The following MAP3K1 variants were observed in gnomAD, a reference collection of about 807,000 sequenced individuals.
MAP3K1 encodes mitogen-activated protein kinase kinase kinase 1.
MAP3K1 carries 36 observed loss-of-function variants against 144.2 expected under a neutral mutation model. The ratio of observed to expected loss-of-function variants is 0.25; its 90% confidence interval spans 0.19 to 0.33. The LOEUF is 0.33. Among genes scored for constraint, MAP3K1 ranks in the 10% least tolerant of loss-of-function variants. MAP3K1 has a pLI of 1.00. For synonymous variants in MAP3K1, 718 were observed against 688.7 expected, an observed-to-expected ratio of 1.04 and a Z score of -0.67; for missense variants, 1,650 against 1,881.9, an observed-to-expected ratio of 0.88 and a Z score of 2.28.
chr5:56,884,805 C>T lies in MAP3K1; in HGVS notation c.3961C>T (p.Leu1321Phe). The change falls in exon 16 of 20, where the codon CTC becomes TTC. Residue 1321 changes from leucine (L) to phenylalanine (F), a missense_variant. By Grantham distance (22) the Leu-to-Phe change is conservative. Coordinates refer to ENST00000399503, the MANE Select transcript of MAP3K1 (RefSeq NM_005921.2). ...CACGTGTGAGAAGAGCAATTACAATCTCTTCATTGAATGGATGGCAGGTAT... is the reference window on the plus strand; with the variant it reads ...CACGTGTGAGAAGAGCAATTACAATTTCTTCATTGAATGGATGGCAGGTAT... ...GATCEKSNYN[L>F]FIEWMAGGSV... 1.2e-6 allele frequency: 2 copies of T among 1,613,732 alleles called. No individual in the cohort carries two copies. Among genetic ancestry groups the T allele is most frequent in the Non-Finnish European group, 1.7e-6 (2 of 1,179,788 alleles).
intron 6 of MAP3K1, among the ~76,000 whole-genome samples, chr5:56,866,435 CTGTATGTA>C (rs559847404): frequency 2.3e-4 from 35 of 151,462 alleles, no homozygotes; most frequent in African/African-American, 4.4e-4. Context: ...GTATGTATGT[CTGTATGTA>C]TGTATGTATG....
Position 56,815,639 on chromosome 5 carries a change from T to G in MAP3K1, c.66T>G (p.Pro22=). Residue 22 remains proline, a synonymous_variant, in exon 1 of 20, where the codon CCT becomes CCG. Transcript: ENST00000399503. ...TCCCGGGCGCCAGGGCTACGAGCCC[T>G]GAGGCAGGCGGCGGCGGAGGAGCCC... ...SGFPGARATS[P]EAGGGGGALK... is the part of the protein sequence containing the mutation. 7.5e-7 allele frequency: 1 copy of G among 1,333,980 alleles called. No homozygotes were observed. The highest frequency in any genetic ancestry group is 1.9e-5 in the South Asian group (1 of 51,760). The allele number at this position is 1,333,980 out of a possible 1,614,324, so 82.6% of individuals were successfully genotyped here.
At chr5:56,863,552 A>G (rs1747584151) in intron 3 of MAP3K1, among the ~76,000 whole-genome samples, 1 of 152,212 alleles carries the variant, frequency 6.6e-6, no homozygotes, top group South Asian at 2.1e-4. Context: ...GTTGATGGAC[A>G]TTTGAGCTGC....
At position 56,865,820 on chromosome 5, in the gene MAP3K1, C is replaced by T. The variant is rs371897325; in HGVS notation, c.1153-9C>T. The T allele has an allele frequency of 6.2e-7, 1 of 1,613,620 alleles. No homozygotes were observed. Among genetic ancestry groups the T allele is most frequent in the Non-Finnish European group, 8.5e-7 (1 of 1,179,718 alleles). ...AAATATCATTGTTACTGTCTTTTTCCAATGTTAGGTTGAGAGTTTGTTCCA... is the reference window on the plus strand; with the variant it reads ...AAATATCATTGTTACTGTCTTTTTCTAATGTTAGGTTGAGAGTTTGTTCCA... On this transcript the variant is annotated splice_polypyrimidine_tract_variant and intron_variant, in intron 5 of 19. Transcript: ENST00000399503.
At chr5:56,848,162 T>C (rs970907824) in intron 1 of MAP3K1, among the ~76,000 whole-genome samples, 8 of 152,160 alleles carry the variant, frequency 5.3e-5, no homozygotes, top group Admixed American at 5.2e-4. Context: ...GACTAGTAGC[T>C]CTCTGTCTTT....
At chr5:56,844,435 T>C (rs1746924428) in intron 1 of MAP3K1, among the ~76,000 whole-genome samples, 1 of 152,106 alleles carries the variant, frequency 6.6e-6, no homozygotes. Flanking sequence ...CGCCTTGGCC[T>C]CCCAAAGTGC....
rs982579192 is a variant in MAP3K1 at position 56,820,338 on chromosome 5, C to T, written c.482+4283C>T. ...CTCCACAGTCCATTTCTTTCCACTA[C>T]TCTGCTTCTTCCATTTTCTTTTTTC... On this transcript the variant is annotated intron_variant, in intron 1 of 19. Coordinates refer to ENST00000399503, the MANE Select transcript of MAP3K1 (RefSeq NM_005921.2). 4.6e-5 allele frequency: 33 copies of T among 720,900 alleles called. No individual in the cohort carries two copies. The African/African-American group carries it at 5.0e-4, about 11-fold the overall frequency. The allele number at this position is 720,900 out of a possible 1,614,324, so 44.7% of individuals were successfully genotyped here. A position where few individuals can be genotyped will look rare whatever the true frequency, so the allele number is the denominator to read the frequency against.
At chr5:56,824,006 C>G (rs535870744) in intron 1 of MAP3K1, among the ~76,000 whole-genome samples, 20 of 152,268 alleles carry the variant, frequency 1.3e-4, no homozygotes, top group African/African-American at 4.8e-4. Flanking sequence ...GTCATCTAAA[C>G]TTAAGATATC....
intron 19 of MAP3K1, among the ~76,000 whole-genome samples, chr5:56,890,213 T>C (rs1193349441): frequency 2.6e-5 from 4 of 152,210 alleles, no homozygotes; most frequent in Non-Finnish European, 5.9e-5. Flanking sequence ...CAGAAGTTGC[T>C]CAATAAATAC....
At chr5:56,852,686 T>C (rs1192483698) in intron 1 of MAP3K1, among the ~76,000 whole-genome samples, 1 of 152,228 alleles carries the variant, frequency 6.6e-6, no homozygotes. Context: ...CAAAAGTGTA[T>C]ACACTATTAT....
chr5:56,852,081 GGGA>G (rs1747190724), intron 1 of MAP3K1: 1 of 44,624 alleles, frequency 2.2e-5, no homozygotes, highest in East Asian at 4.2e-4. Context: ...ATTCCTGGCA[GGGA>G]AAAAAAAAAA....
rs530009074 is a variant in MAP3K1, at chr5:56,888,380, T to C, written c.4389+23T>C. 9.9e-6 allele frequency: 16 copies of C among 1,612,168 alleles called. No homozygotes were observed. The South Asian group carries it at 1.2e-4, about 12-fold the overall frequency. ...AAGGTAATTGTGAGATAAAAATTAC[T>C]TCTTTGTGCTAAAAGGAGTACAGCA... On this transcript the variant is annotated intron_variant, in intron 19 of 19. Transcript: ENST00000399503.
At chr5:56,833,811 A>C (rs1463330592) in intron 1 of MAP3K1, among the ~76,000 whole-genome samples, 1 of 152,108 alleles carries the variant, frequency 6.6e-6, no homozygotes, top group Non-Finnish European at 1.5e-5. Context: ...TAAGGCCAGC[A>C]TCTAGTATTA....
intron 1 of MAP3K1, among the ~76,000 whole-genome samples, chr5:56,834,074 C>T (rs1277437844): frequency 1.3e-5 from 2 of 152,122 alleles, no homozygotes; most frequent in Non-Finnish European, 2.9e-5. Context: ...CTGAAATCTC[C>T]TTCAAGGCAA....
intron 1 of MAP3K1, among the ~76,000 whole-genome samples, chr5:56,843,291 C>T (rs1409176511): frequency 2.0e-5 from 3 of 152,158 alleles, no homozygotes; most frequent in Admixed American, 2.0e-4. Flanking sequence ...GCTTTCTGGC[C>T]ATTGCCATCA....
intron 1 of MAP3K1, among the ~76,000 whole-genome samples, chr5:56,846,441 T>G (rs1746999481): frequency 6.6e-6 from 1 of 152,224 alleles, no homozygotes; most frequent in African/African-American, 2.4e-5. Flanking sequence ...CACCTGCTCT[T>G]TAAAAAATAA....
intron 13 of MAP3K1, 78 bp downstream of exon 13, chr5:56,881,350 A>T (rs1272421986): frequency 1.5e-6 from 2 of 1,316,826 alleles, no homozygotes; most frequent in Non-Finnish European, 2.2e-6. Flanking sequence ...CACATTTTAG[A>T]TTTTTGAAAG....
intron 1 of MAP3K1, among the ~76,000 whole-genome samples, chr5:56,849,574 AT>A (rs921880053): frequency 3.9e-5 from 6 of 152,176 alleles, no homozygotes; most frequent in Non-Finnish European, 8.8e-5. Context: ...GTTACTTCTT[AT>A]GTAAACCTAC....
intron 1 of MAP3K1, among the ~76,000 whole-genome samples, chr5:56,820,147 T>C (rs562832246): frequency 2.0e-4 from 30 of 152,210 alleles, no homozygotes; most frequent in African/African-American, 7.2e-4. Flanking sequence ...TGATATCTAT[T>C]ATATGTATTA....
Sources: allele counts gnomAD v4.1 joint callset (sites outside exome capture counted in the v4.1 genomes callset), GRCh38; gene constraint gnomAD v4.1.1; transcripts MANE v1.5; gene names NCBI Gene and HGNC (gene_info 2026-07-23, HGNC 2026-07-21).